The following PKDCC variants were observed in gnomAD, a reference collection of about 807,000 sequenced individuals.
PKDCC encodes protein kinase domain containing, cytoplasmic, also known as extracellular tyrosine-protein kinase PKDCC.
A neutral mutation model predicts 44.7 loss-of-function variants in PKDCC; 35 were observed. The observed-to-expected ratio is 0.78, with a 90% CI of 0.60 to 1.04. PKDCC has a LOEUF of 1.04. PKDCC is among the 50% of genes least tolerant of loss of function. PKDCC has a pLI of 0.00. For synonymous variants in PKDCC, 353 were observed against 303.3 expected (o/e 1.16, Z -1.70); for missense variants, 738 against 672.7 (o/e 1.10, Z -1.07).
chr2:42,053,180 C>G, intron 1 of PKDCC, 59 bp from the exon 2 acceptor site: 3 of 1,298,708 alleles, frequency 2.3e-6, no homozygotes, highest in Non-Finnish European at 2.1e-6. Flanking sequence ...GACAGTCCAG[C>G]CCTTCCCTGT....
Position 42,057,296 on chromosome 2 carries a change from G to A in PKDCC, c.1298G>A (p.Cys433Tyr). The change falls in exon 6 of 7, where the codon TGC becomes TAC. Residue 433 changes from cysteine to tyrosine, a missense_variant. Physicochemically the swap from Cys to Tyr is radical, Grantham distance 194. Coordinates refer to ENST00000294964, the MANE Select transcript of PKDCC (RefSeq NM_138370.3). ...TGGCCATCCTACCACCACGGGAGCTGCCTCCTTTCAGTGTTCAACCTGGCT... is the reference window on the plus strand; with the variant it reads ...TGGCCATCCTACCACCACGGGAGCTACCTCCTTTCAGTGTTCAACCTGGCT... Reference protein sequence around the residue: ...RCWPSYHHGSCLLSVFNLAEA... With the variant: ...RCWPSYHHGSYLLSVFNLAEA... 1 of 1,614,218 alleles carries A rather than the reference G, an allele frequency of 6.2e-7. No individual in the cohort carries two copies. Among genetic ancestry groups the A allele is most frequent in the Non-Finnish European group, 8.5e-7 (1 of 1,180,044 alleles).
intron 1 of PKDCC, among the ~76,000 whole-genome samples, chr2:42,049,690 C>G (rs1667935319): frequency 6.6e-6 from 1 of 152,102 alleles, no homozygotes; most frequent in South Asian, 2.1e-4. Context: ...GCTGAAACCC[C>G]CACCTTGTCC....
intron 2 of PKDCC, 151 bp downstream of exon 2, chr2:42,053,512 G>A (rs1668004034): frequency 1.8e-6 from 2 of 1,117,072 alleles, no homozygotes; most frequent in Non-Finnish European, 2.5e-6. Flanking sequence ...CCGGCCAAAG[G>A]GTTCAAAAAA....
chr2:42,054,168 G>C lies in PKDCC; in HGVS notation c.895G>C (p.Ala299Pro). The change falls in exon 3 of 7, where the codon GCA becomes CCA. Residue 299 changes from alanine to proline, a missense_variant. Coordinates refer to ENST00000294964, the MANE Select transcript of PKDCC (RefSeq NM_138370.3). This position sits in a 1 kb window ranked among gnomAD's most constrained non-coding sequence, Gnocchi z 6.1. ...GCTCAAAGTGACGGACCTGGATGAC[G>C]CACGTGTGGAGGAGACGCCGTGTGC... ...GELKVTDLDDARVEETPCAGS... is the reference protein window; with the variant it reads ...GELKVTDLDDPRVEETPCAGS... 6.2e-7 allele frequency: 1 copy of C among 1,612,304 alleles called. No individual in the cohort carries two copies.
Position 42,058,092 on chromosome 2 carries a change from C to A in PKDCC, c.*404C>A, listed in dbSNP as rs892923354. On this transcript the variant is annotated 3_prime_UTR_variant, in exon 7 of 7. Coordinates refer to ENST00000294964, the MANE Select transcript of PKDCC (RefSeq NM_138370.3). The surrounding 1 kb of genome is among the most constrained non-coding windows in gnomAD (Gnocchi z 4.2). ...CTGCTGCTGCACATGCCACAGCAGG[C>A]GGTGGGGGCTGCGTGGGGACAATCC... 5.1e-6 allele frequency: 1 copy of A among 196,748 alleles called. No homozygotes were observed. The highest frequency in any genetic ancestry group is 1.0e-5 in the Non-Finnish European group (1 of 95,796). The allele number at this position is 196,748 out of a possible 1,614,324, so 12.2% of individuals were successfully genotyped here.
At position 42,052,536 on chromosome 2, in the gene PKDCC, G is replaced by T. The variant is rs1667985871; in HGVS notation, c.640-703G>T. Among the ~76,000 whole-genome samples the T allele has an allele frequency of 2.0e-5, 3 of 152,124 alleles. No individual in the cohort carries two copies. The highest frequency in any genetic ancestry group is 2.9e-5 in the Non-Finnish European group (2 of 68,020). On this transcript the variant is annotated intron_variant, in intron 1 of 6. Transcript: ENST00000294964. This position sits in a 1 kb window ranked among gnomAD's most constrained non-coding sequence, Gnocchi z 4.3. ...GGCCAAGGTAGGCAGATCACTTGAG[G>T]TCGGCAGTTTGAGACCAGCCTGGCC...
chr2:42,057,704 G>C lies in PKDCC; in HGVS notation c.*16G>C, dbSNP rs900298104. The C allele has an allele frequency of 7.5e-6, 12 of 1,610,260 alleles. No individual in the cohort carries two copies. The highest frequency in any genetic ancestry group is 1.7e-5 in the Admixed American group (1 of 59,880). On this transcript the variant is annotated 3_prime_UTR_variant, in exon 7 of 7. Transcript: ENST00000294964. ...CTCTGGCTGACCTATCTGAGGGCTCGGCTGACCAGCTGACTATCCTCAGCA... is the reference window on the plus strand; with the variant it reads ...CTCTGGCTGACCTATCTGAGGGCTCCGCTGACCAGCTGACTATCCTCAGCA...
At chr2:42,053,956 C>G in intron 2 of PKDCC, 80 bp from the exon 3 acceptor site, 5 of 1,531,006 alleles carry the variant, frequency 3.3e-6, no homozygotes, top group Non-Finnish European at 3.5e-6. Context: ...GTTCAGATTC[C>G]AAGAGGAGGG....
chr2:42,054,714 T>G lies in PKDCC; in HGVS notation c.1035-227T>G. 1 of 588,070 alleles carries G rather than the reference T, an allele frequency of 1.7e-6. No homozygotes were observed. The highest frequency in any genetic ancestry group is 2.1e-5 in the South Asian group (1 of 47,140). 36.4% of individuals were successfully genotyped at this position (588,070 alleles called of 1,614,324 possible). ...GGAGGTGGGCAAGTCCTGGGAAGGG[T>G]TGGGAAGCAGGCCCCTGGTTTCGGT... On this transcript the variant is annotated intron_variant, in intron 3 of 6. Coordinates refer to ENST00000294964, the MANE Select transcript of PKDCC (RefSeq NM_138370.3). The surrounding 1 kb of genome is among the most constrained non-coding windows in gnomAD (Gnocchi z 6.1).
chr2:42,054,549 T>C lies in PKDCC; in HGVS notation c.1034+242T>C. The stretch of plus-strand genomic sequence containing the variant: ...AGCTGGAGGCTTCTTAAAATAGTGT[T>C]GGACTCGGAGCCTAGGGCTGGTGGA... On this transcript the variant is annotated intron_variant, in intron 3 of 6. Coordinates refer to ENST00000294964, the MANE Select transcript of PKDCC (RefSeq NM_138370.3). This position sits in a 1 kb window ranked among gnomAD's most constrained non-coding sequence, Gnocchi z 6.1. 1.7e-6 allele frequency: 1 copy of C among 575,958 alleles called. No homozygotes were observed. Among genetic ancestry groups the C allele is most frequent in the Non-Finnish European group, 3.0e-6 (1 of 328,566 alleles). 35.7% of individuals were successfully genotyped at this position (575,958 alleles called of 1,614,324 possible). A position where few individuals can be genotyped will look rare whatever the true frequency, so the allele number is the denominator to read the frequency against.
At chr2:42,049,139 C>T (rs879334312) in intron 1 of PKDCC, among the ~76,000 whole-genome samples, 1 of 152,148 alleles carries the variant, frequency 6.6e-6, no homozygotes, top group Non-Finnish European at 1.5e-5. Flanking sequence ...TAGGACTCTA[C>T]TCCGGGCTGG....
chr2:42,057,202 C>T lies in PKDCC; in HGVS notation c.1223-19C>T, dbSNP rs911758231. 1.2e-6 allele frequency: 2 copies of T among 1,612,826 alleles called. No individual in the cohort carries two copies. Among genetic ancestry groups the T allele is most frequent in the Non-Finnish European group, 8.5e-7 (1 of 1,178,992 alleles). On this transcript the variant is annotated intron_variant, in intron 5 of 6. Coordinates refer to ENST00000294964, the MANE Select transcript of PKDCC (RefSeq NM_138370.3). ...CTGGGCATACAGAATTCTCATTTTA[C>T]TCCATCCCCAACCCACAGAGTACCA...
rs1667989398 is a variant in PKDCC at position 42,052,721 on chromosome 2, AACAGAGCGAGGCTG to A, written c.640-517_640-504del. Among the ~76,000 whole-genome samples the A allele has an allele frequency of 6.6e-6, 1 of 151,848 alleles. No homozygotes were observed. The highest frequency in any genetic ancestry group is 1.5e-5 in the Non-Finnish European group (1 of 67,946). The stretch of plus-strand genomic sequence containing the variant: ...CATGCCACTGCACTCCAGCCTGGGC[AACAGAGCGAGGCTG>A]TCTCAAAAAAAAAAAAAGAAAAGAA... On this transcript the variant is annotated intron_variant, in intron 1 of 6. Transcript: ENST00000294964. This position sits in a 1 kb window ranked among gnomAD's most constrained non-coding sequence, Gnocchi z 4.3.
Position 42,054,465 on chromosome 2 carries a change from C to A in PKDCC, c.1034+158C>A. On this transcript the variant is annotated intron_variant, in intron 3 of 6. Transcript: ENST00000294964. The surrounding 1 kb of genome is among the most constrained non-coding windows in gnomAD (Gnocchi z 6.1). ...CCCTGTCCAGAAGGGAACATTCAGG[C>A]CTCTGATGGAGAGGCTAAAAATAGA... The A allele has an allele frequency of 1.1e-6, 1 of 877,022 alleles. No individual in the cohort carries two copies. The highest frequency in any genetic ancestry group is 1.7e-6 in the Non-Finnish European group (1 of 583,324). 54.3% of individuals were successfully genotyped at this position (877,022 alleles called of 1,614,324 possible). A position where few individuals can be genotyped will look rare whatever the true frequency, so the allele number is the denominator to read the frequency against.
chr2:42,053,127 A>C (rs1667995580), intron 1 of PKDCC, 112 bp from the exon 2 acceptor site: 2 of 1,262,086 alleles, frequency 1.6e-6, no homozygotes, highest in Non-Finnish European at 2.2e-6. Flanking sequence ...CCTGAGCTGA[A>C]GCAAAGGCCT....
chr2:42,057,214 C>G lies in PKDCC; in HGVS notation c.1223-7C>G, dbSNP rs1243478464. 6.2e-7 allele frequency: 1 copy of G among 1,613,856 alleles called. No homozygotes were observed. The highest frequency in any genetic ancestry group is 8.5e-7 in the Non-Finnish European group (1 of 1,179,752). On this transcript the variant is annotated splice_region_variant and splice_polypyrimidine_tract_variant and intron_variant, in intron 5 of 6. Coordinates refer to ENST00000294964, the MANE Select transcript of PKDCC (RefSeq NM_138370.3). ...AATTCTCATTTTACTCCATCCCCAA[C>G]CCACAGAGTACCAGTGTATCCCAGA...
chr2:42,055,258 C>A lies in PKDCC; in HGVS notation c.1115-28C>A, dbSNP rs753099365. 5 of 1,592,804 alleles carry A rather than the reference C, an allele frequency of 3.1e-6. No homozygotes were observed. Among genetic ancestry groups the A allele is most frequent in the Non-Finnish European group, 4.3e-6 (5 of 1,167,340 alleles). On this transcript the variant is annotated intron_variant, in intron 4 of 6. Coordinates refer to ENST00000294964, the MANE Select transcript of PKDCC (RefSeq NM_138370.3). The surrounding 1 kb of genome is among the most constrained non-coding windows in gnomAD (Gnocchi z 4.5). ...AGGGAGGAGTGGGAGCCCCAGGCAT[C>A]CTGTCTTAGCCACACTGCACTCTGC...
intron 1 of PKDCC, among the ~76,000 whole-genome samples, chr2:42,049,114 C>G (rs1350535741): frequency 6.6e-6 from 1 of 152,120 alleles, no homozygotes; most frequent in Non-Finnish European, 1.5e-5. Flanking sequence ...GGGGGTGGGG[C>G]AGTCCATTAG....
At position 42,057,711 on chromosome 2, in the gene PKDCC, C is replaced by A; in HGVS notation, c.*23C>A. The A allele has an allele frequency of 6.2e-7, 1 of 1,605,426 alleles. No individual in the cohort carries two copies. Among genetic ancestry groups the A allele is most frequent in the South Asian group, 1.1e-5 (1 of 90,534 alleles). On this transcript the variant is annotated 3_prime_UTR_variant, in exon 7 of 7. Transcript: ENST00000294964. ...TGACCTATCTGAGGGCTCGGCTGACCAGCTGACTATCCTCAGCAGCTGGGC... is the reference window on the plus strand; with the variant it reads ...TGACCTATCTGAGGGCTCGGCTGACAAGCTGACTATCCTCAGCAGCTGGGC...
Sources: gnomAD v4.1 joint callset for allele counts (sites outside exome capture counted in the v4.1 genomes callset) on GRCh38, gnomAD v4.1.1 for gene constraint, Gnocchi (gnomAD v3.1) non-coding constraint, MANE v1.5 for transcripts, NCBI Gene and HGNC (gene_info 2026-07-23, HGNC 2026-07-21) for gene names.